The following ZNF267 variants were observed in gnomAD, a reference collection of about 807,000 sequenced individuals.
ZNF267 encodes the protein zinc finger protein 267.
A neutral mutation model predicts 71.6 loss-of-function variants in ZNF267; 61 were observed. The ratio of observed to expected loss-of-function variants is 0.85; its 90% CI spans 0.69 to 1.05. The LOEUF (loss-of-function observed/expected upper bound fraction) is 1.05. Ranked by LOEUF, ZNF267 falls within the 50% of genes least tolerant of loss-of-function variation. The pLI is 0.00. For missense variants in ZNF267, 852 were observed against 870.0 expected, an observed-to-expected ratio of 0.98 and a Z score of 0.26; for synonymous variants, 288 against 293.2, an observed-to-expected ratio of 0.98 and a Z score of 0.18.
At chr16:31,886,363 G>T (rs562637592) in intron 3 of ZNF267, among the ~76,000 whole-genome samples, 1 of 152,182 alleles carries the variant, frequency 6.6e-6, no homozygotes. Context: ...ACAGCAGGAG[G>T]TGTGACCATT....
intron 3 of ZNF267, among the ~76,000 whole-genome samples, chr16:31,903,032 C>G (rs1398221569): frequency 6.6e-6 from 1 of 152,176 alleles, no homozygotes; most frequent in Admixed American, 6.5e-5. Flanking sequence ...TTTTCTGCAT[C>G]TATTGAGATA....
intron 1 of ZNF267, among the ~76,000 whole-genome samples, chr16:31,878,618 C>T (rs544388812): frequency 1.9e-4 from 9 of 46,712 alleles, no homozygotes; most frequent in East Asian, 1.7e-3. Context: ...CATCTGCCTG[C>T]GTGGACCCAG....
intron 3 of ZNF267, among the ~76,000 whole-genome samples, chr16:31,903,405 A>C (rs1424550139): frequency 6.6e-6 from 1 of 152,136 alleles, no homozygotes; most frequent in African/African-American, 2.4e-5. Flanking sequence ...TCAGCTGTGA[A>C]TCCATCTGGT....
chr16:31,911,604 T>C (rs1417065214), intron 3 of ZNF267, among the ~76,000 whole-genome samples: 3 of 151,594 alleles, frequency 2.0e-5, no homozygotes, highest in African/African-American at 7.3e-5. Context: ...GGTCTTCCTT[T>C]TTCTTTTTTT....
intron 3 of ZNF267, among the ~76,000 whole-genome samples, chr16:31,904,372 A>G (rs1484307553): frequency 2.0e-5 from 3 of 152,198 alleles, no homozygotes; most frequent in Non-Finnish European, 4.4e-5. Flanking sequence ...GATCTGTCTA[A>G]TGTTGACAAT....
At chr16:31,901,069 G>C (rs1314456862) in intron 3 of ZNF267, among the ~76,000 whole-genome samples, 2 of 151,816 alleles carry the variant, frequency 1.3e-5, no homozygotes, top group Non-Finnish European at 2.9e-5. Context: ...TTTGTCCTTG[G>C]GATGGTTTGC....
intron 3 of ZNF267, among the ~76,000 whole-genome samples, chr16:31,898,064 G>T (rs1472099170): frequency 6.6e-6 from 1 of 152,090 alleles, no homozygotes; most frequent in African/African-American, 2.4e-5. Context: ...ACTGAAAGTG[G>T]AGTATGGAAG....
At chr16:31,905,665 G>A (rs1208488040) in intron 3 of ZNF267, among the ~76,000 whole-genome samples, 1 of 152,076 alleles carries the variant, frequency 6.6e-6, no homozygotes, top group Non-Finnish European at 1.5e-5. Flanking sequence ...CTCTGCATTG[G>A]TTATTCTAGT....
rs28881597 is a variant in ZNF267 at position 31,909,982 on chromosome 16, G to T, written c.227-4494G>T. Among the ~76,000 whole-genome samples the T allele has an allele frequency of 3.2e-3, 486 of 152,226 alleles. 1 individual carries two copies. Among genetic ancestry groups the T allele is most frequent in the African/African-American group, 0.011 (452 of 41,558 alleles). ...AGAGTTTTTATTATCAAAGGATGTT[G>T]AATTTTATTAAATCCTTTTTTCAGC... On this transcript the variant is annotated intron_variant, in intron 3 of 3. Coordinates refer to ENST00000300870, the MANE Select transcript of ZNF267 (RefSeq NM_003414.6).
chr16:31,875,148 A>G (rs766584612), intron 1 of ZNF267: 1 of 1,289,136 alleles, frequency 7.8e-7, no homozygotes, highest in South Asian at 1.2e-5. Context: ...TGGAAACTTT[A>G]CAGGGCCCTG....
intron 3 of ZNF267, among the ~76,000 whole-genome samples, chr16:31,905,071 C>A (rs957254054): frequency 5.3e-5 from 8 of 152,086 alleles, no homozygotes; most frequent in Non-Finnish European, 1.0e-4. Context: ...ATATGAAATT[C>A]TGGGTTGAAA....
intron 3 of ZNF267, among the ~76,000 whole-genome samples, chr16:31,900,283 A>G (rs764090868): frequency 6.6e-6 from 1 of 152,238 alleles, no homozygotes; most frequent in African/African-American, 2.4e-5. Flanking sequence ...TTATTTGTGT[A>G]TATTATTACC....
rs781653121 is a variant in ZNF267 at position 31,916,465 on chromosome 16, C to T, written c.2216C>T (p.Thr739Ile). The change falls in exon 4 of 4, where the codon ACT (threonine) becomes ATT (isoleucine). Residue 739 changes from threonine (T) to isoleucine (I), a missense_variant. Transcript: ENST00000300870. ...SYLIAHQRSH[T>I]REKL ...CTCATTGCACATCAGAGAAGTCATA[C>T]TAGAGAAAAACTTTAAAAATGTAAA... 3.1e-6 allele frequency: 5 copies of T among 1,608,172 alleles called. No individual in the cohort carries two copies. In the African/African-American group the frequency reaches 5.4e-5, roughly 17 times the overall value.
intron 1 of ZNF267, among the ~76,000 whole-genome samples, chr16:31,883,626 A>G (rs2083904722): frequency 1.3e-5 from 2 of 152,368 alleles, no homozygotes; most frequent in East Asian, 3.9e-4. Flanking sequence ...TAATTTTTAT[A>G]TAAGAGGAAG....
At chr16:31,909,120 C>CTTTTT (rs34409182) in intron 3 of ZNF267, among the ~76,000 whole-genome samples, 565 of 45,370 alleles carry the variant, frequency 0.012, 1 homozygote, top group African/African-American at 0.034. Flanking sequence ...CTTTTCTTTT[C>CTTTTT]TTTTTTTTTT....
Position 31,885,253 on chromosome 16 carries a change from C to A in ZNF267, c.223C>A (p.Pro75Thr), listed in dbSNP as rs2142335179. Residue 75 changes from proline (P) to threonine (T), a missense_variant, in exon 3 of 4, where the codon CCA (proline) becomes ACA (threonine). By Grantham distance (38) the Pro-to-Thr change is conservative. Coordinates refer to ENST00000300870, the MANE Select transcript of ZNF267 (RefSeq NM_003414.6). The stretch of plus-strand genomic sequence containing the variant: ...GAGTGAGGAGACAGTAGCCATCCAG[C>A]CAGGTAGGTGGGAGCGAATGAAGTA... ...VKSEETVAIQ[P>T]DVFSHYNKDL... 1 of 1,605,064 alleles carries A rather than the reference C, an allele frequency of 6.2e-7. No individual in the cohort carries two copies. Among genetic ancestry groups the A allele is most frequent in the South Asian group, 1.1e-5 (1 of 90,246 alleles).
chr16:31,886,663 A>G (rs910987171), intron 3 of ZNF267, among the ~76,000 whole-genome samples: 6 of 152,172 alleles, frequency 3.9e-5, no homozygotes, highest in African/African-American at 1.4e-4. Flanking sequence ...TATATTTACA[A>G]TGCTGTACAT....
At chr16:31,898,811 A>T (rs1243524304) in intron 3 of ZNF267, among the ~76,000 whole-genome samples, 1 of 152,020 alleles carries the variant, frequency 6.6e-6, no homozygotes, top group East Asian at 1.9e-4. Flanking sequence ...TTGTCTTTTC[A>T]CACACATAGG....
intron 1 of ZNF267, among the ~76,000 whole-genome samples, chr16:31,874,908 T>C (rs2083841422): frequency 6.6e-6 from 1 of 152,218 alleles, no homozygotes; most frequent in Non-Finnish European, 1.5e-5. Context: ...TGGTCATTTA[T>C]TGTACATTTC....
Sources: gnomAD v4.1 joint callset for allele counts (sites outside exome capture counted in the v4.1 genomes callset) on GRCh38, gnomAD v4.1.1 for gene constraint, MANE v1.5 for transcripts, NCBI Gene and HGNC (gene_info 2026-07-23, HGNC 2026-07-21) for gene names.